Variants in CARS1 observed in about 807,000 individuals in gnomAD.
CARS1 encodes the protein cysteinyl-tRNA synthetase 1.
A neutral mutation model predicts 106.2 loss-of-function variants in CARS1; 48 were observed. The observed-to-expected ratio is 0.45, with a 90% confidence interval of 0.36 to 0.57. The LOEUF (loss-of-function observed/expected upper bound fraction) is 0.57. Among genes scored for constraint, CARS1 ranks in the 20% least tolerant of loss-of-function variants. CARS1 has a pLI of 0.00. For synonymous variants in CARS1, 409 were observed against 403.4 expected, an observed-to-expected ratio of 1.01 and a Z score of -0.17; for missense variants, 968 against 1,057.2, an observed-to-expected ratio of 0.92 and a Z score of 1.17.
At position 3,028,297 on chromosome 11, in the gene CARS1, G is replaced by A. The variant is rs977536808; in HGVS notation, c.1031+699C>T. 1.9e-5 allele frequency: 10 copies of A among 524,210 alleles called. No homozygotes were observed. Among genetic ancestry groups the A allele is most frequent in the South Asian group, 5.4e-5 (3 of 55,600 alleles). 32.5% of individuals were successfully genotyped at this position (524,210 alleles called of 1,614,324 possible). ...TAAATATCAGTGCAGCCTGGCATTC[G>A]GGGCCACTACCGGTCTCCGCGTCTT... On this transcript the variant is annotated intron_variant, in intron 9 of 22. Transcript: ENST00000380525. This position sits in a 1 kb window ranked among gnomAD's most constrained non-coding sequence, Gnocchi z 4.4.
At position 3,053,924 on chromosome 11, in the gene CARS1, C is replaced by G. The variant is rs1460388380; in HGVS notation, c.25+3419G>C. 1.3e-5 allele frequency among the ~76,000 whole-genome samples: 2 copies of G among 152,188 alleles called. No homozygotes were observed. Among genetic ancestry groups the G allele is most frequent in the African/African-American group, 4.8e-5 (2 of 41,434 alleles). ...GTGGGTGTCCAGGCAACATCTCACC[C>G]TGCAGGTTACTCCCTTTCTGCAAAT... On this transcript the variant is annotated intron_variant, in intron 1 of 22. Transcript: ENST00000380525. This position sits in a 1 kb window ranked among gnomAD's most constrained non-coding sequence, Gnocchi z 6.6.
In CARS1 at chr11:3,038,580, A is replaced by C. The variant is rs1346380425; in HGVS notation, c.652-381T>G. Among the ~76,000 whole-genome samples the C allele has an allele frequency of 6.6e-6, 1 of 152,230 alleles. No individual in the cohort carries two copies. Among genetic ancestry groups the C allele is most frequent in the East Asian group, 1.9e-4 (1 of 5,200 alleles). Reference sequence around the variant, plus strand: ...GAAGGTACTCAGGCCTCACTGACCTAAAAGATTGCTCAGCTCTAATTTTAT... The same window carrying C: ...GAAGGTACTCAGGCCTCACTGACCTCAAAGATTGCTCAGCTCTAATTTTAT... On this transcript the variant is annotated intron_variant, in intron 6 of 22. Transcript: ENST00000380525. The surrounding 1 kb of genome is among the most constrained non-coding windows in gnomAD (Gnocchi z 4.0).
chr11:3,029,707 G>A lies in CARS1; in HGVS notation c.802-264C>T, dbSNP rs186333277. 1,469 of 490,024 alleles carry A rather than the reference G, an allele frequency of 3.0e-3. 9 individuals are homozygous for A. Among genetic ancestry groups the A allele is most frequent in the Non-Finnish European group, 4.2e-3 (1,157 of 276,708 alleles). 30.4% of individuals were successfully genotyped at this position (490,024 alleles called of 1,614,324 possible). A position where few individuals can be genotyped will look rare whatever the true frequency, so the allele number is the denominator to read the frequency against. ...TGTGGGTGCAGAGGCAAAAAGAGGT[G>A]GGAGGGCCGAGGTGGGCCTGGTGAG... is the stretch of plus-strand genomic sequence containing the variant. On this transcript the variant is annotated intron_variant, in intron 7 of 22. Coordinates refer to ENST00000380525, the MANE Select transcript of CARS1 (RefSeq NM_001014437.3). This position sits in a 1 kb window ranked among gnomAD's most constrained non-coding sequence, Gnocchi z 5.9.
Position 3,004,360 on chromosome 11 carries a change from A to G in CARS1, c.2217+1006T>C, listed in dbSNP as rs1197470346. 6.6e-6 allele frequency among the ~76,000 whole-genome samples: 1 copy of G among 152,224 alleles called. No homozygotes were observed. The highest frequency in any genetic ancestry group is 1.5e-5 in the Non-Finnish European group (1 of 68,030). On this transcript the variant is annotated intron_variant, in intron 20 of 22. Coordinates refer to ENST00000380525, the MANE Select transcript of CARS1 (RefSeq NM_001014437.3). The surrounding 1 kb of genome is among the most constrained non-coding windows in gnomAD (Gnocchi z 5.2). ...TCGTGCCTTGGGCCAGTGCAGGGCT[A>G]GGCATAGATGCCTTCCCTGACCTTG...
Position 3,038,281 on chromosome 11 carries a change from C to T in CARS1, c.652-82G>A, listed in dbSNP as rs1853952778. On this transcript the variant is annotated intron_variant, in intron 6 of 22. Coordinates refer to ENST00000380525, the MANE Select transcript of CARS1 (RefSeq NM_001014437.3). This position sits in a 1 kb window ranked among gnomAD's most constrained non-coding sequence, Gnocchi z 4.0. ...CATAAAGGTGATTCCAGGTAGAAAA[C>T]AGAACGGTTTTTCCCATGGCCCCAT... 4 of 1,364,388 alleles carry T rather than the reference C, an allele frequency of 2.9e-6. No homozygotes were observed. The highest frequency in any genetic ancestry group is 4.6e-5 in the East Asian group (2 of 43,394). 84.5% of individuals were successfully genotyped at this position (1,364,388 alleles called of 1,614,324 possible).
chr11:3,019,628 G>A lies in CARS1; in HGVS notation c.1267-361C>T, dbSNP rs576519430. Among the ~76,000 whole-genome samples, 6 of 151,908 alleles carry A rather than the reference G, an allele frequency of 3.9e-5. No homozygotes were observed. Among genetic ancestry groups the A allele is most frequent in the South Asian group, 4.2e-4 (2 of 4,796 alleles). ...CTGAGGCAGGAGAATTGCTTGAACCGGGACTAGGAGGCAGAGGTTGCAGTG... is the reference window on the plus strand; with the variant it reads ...CTGAGGCAGGAGAATTGCTTGAACCAGGACTAGGAGGCAGAGGTTGCAGTG... On this transcript the variant is annotated intron_variant, in intron 11 of 22. Transcript: ENST00000380525. The surrounding 1 kb of genome is among the most constrained non-coding windows in gnomAD (Gnocchi z 6.2).
chr11:3,038,793 T>G lies in CARS1; in HGVS notation c.651+401A>C, dbSNP rs771751621. Among the ~76,000 whole-genome samples, 15 of 152,224 alleles carry G rather than the reference T, an allele frequency of 9.9e-5. No individual in the cohort carries two copies. Among genetic ancestry groups the G allele is most frequent in the Non-Finnish European group, 1.9e-4 (13 of 68,032 alleles). On this transcript the variant is annotated intron_variant, in intron 6 of 22. Transcript: ENST00000380525. The surrounding 1 kb of genome is among the most constrained non-coding windows in gnomAD (Gnocchi z 4.0). ...AATTTCTTCAAAAGATTCTGAAAAT[T>G]TACAGTATTACCAAATTAAAAAGCT...
At position 3,047,935 on chromosome 11, in the gene CARS1, T is replaced by C. The variant is rs1855277662; in HGVS notation, c.92A>G (p.His31Arg). 11 of 1,614,160 alleles carry C rather than the reference T, an allele frequency of 6.8e-6. No homozygotes were observed. Among genetic ancestry groups the C allele is most frequent in the Non-Finnish European group, 9.3e-6 (11 of 1,180,026 alleles). The change falls in exon 2 of 23, where the codon CAC (histidine) becomes CGC (arginine). Residue 31 changes from histidine to arginine, a missense_variant. Transcript: ENST00000380525. ...EAARAQALNEHLSTRSYVQGY... is the reference protein window; with the variant it reads ...EAARAQALNERLSTRSYVQGY... The stretch of plus-strand genomic sequence containing the variant: ...CTGGACATAGCTACGCGTGCTGAGG[T>C]GCTCGTTCAGGGCTTGTGCCCTGGC...
intron 12 of CARS1, among the ~76,000 whole-genome samples, 175 bp from the exon 13 acceptor site, chr11:3,018,924 A>G (rs762332207): frequency 3.3e-5 from 5 of 152,230 alleles, no homozygotes; most frequent in Non-Finnish European, 7.3e-5. Flanking sequence ...AGGTAACACA[A>G]CTGGTTCAAA....
rs543768913 is a variant in CARS1, at chr11:3,015,660, C to T, written c.1986+121G>A. The T allele has an allele frequency of 1.6e-3, 1,369 of 843,594 alleles. 5 individuals carry two copies. Among genetic ancestry groups the T allele is most frequent in the Non-Finnish European group, 2.5e-3 (1,247 of 493,880 alleles). 52.3% of individuals were successfully genotyped at this position (843,594 alleles called of 1,614,324 possible). The stretch of plus-strand genomic sequence containing the variant: ...GCCAGAATTGCCATTTAGCTCGAGG[C>T]GCTGTCCGGAAGGGTCTGGTGTGGG... On this transcript the variant is annotated intron_variant, in intron 17 of 22. Transcript: ENST00000380525.
intron 12 of CARS1, 39 bp from the exon 13 acceptor site, chr11:3,018,788 T>A: frequency 6.3e-7 from 1 of 1,597,864 alleles, no homozygotes; most frequent in Non-Finnish European, 8.5e-7. Context: ...CAGTCATGTG[T>A]TACTGGGGCC....
intron 18 of CARS1, 96 bp downstream of exon 18, chr11:3,012,099 C>T (rs1850527672): frequency 3.5e-6 from 4 of 1,131,126 alleles, no homozygotes; most frequent in Non-Finnish European, 5.4e-6. Context: ...GAGGATGATC[C>T]GGCCTGAACG....
In CARS1 at chr11:3,026,745, C is replaced by T. The variant is rs552905313; in HGVS notation, c.1084G>A (p.Glu362Lys). 3.6e-5 allele frequency: 58 copies of T among 1,613,536 alleles called. No individual in the cohort carries two copies. The East Asian group carries it at 9.4e-4, about 26-fold the overall frequency. ...YFDTAKFASS[E>K]KHSYGKLVPE... Reference sequence around the variant, plus strand: ...ACCAGCTTCCCATAGGAGTGCTTCTCGCTAGAAGCAAACTTCGCTGTATCA... The same window carrying T: ...ACCAGCTTCCCATAGGAGTGCTTCTTGCTAGAAGCAAACTTCGCTGTATCA... The change falls in exon 10 of 23, where the codon GAG becomes AAG. Residue 362 changes from glutamate (E) to lysine (K), a missense_variant. Glu to Lys is a moderately conservative substitution (Grantham distance 56). Transcript: ENST00000380525.
In CARS1 at chr11:3,003,974, G is replaced by A. The variant is rs569947573; in HGVS notation, c.2218-1374C>T. On this transcript the variant is annotated intron_variant, in intron 20 of 22. Coordinates refer to ENST00000380525, the MANE Select transcript of CARS1 (RefSeq NM_001014437.3). This position sits in a 1 kb window ranked among gnomAD's most constrained non-coding sequence, Gnocchi z 4.8. Reference sequence around the variant, plus strand: ...AGCACAAAGAGTGCAAGGCCTGTGAGGCTCTGGCCGGGCCACCCTGGCGCT... The same window carrying A: ...AGCACAAAGAGTGCAAGGCCTGTGAAGCTCTGGCCGGGCCACCCTGGCGCT... Among the ~76,000 whole-genome samples, 5 of 152,320 alleles carry A rather than the reference G, an allele frequency of 3.3e-5. No individual in the cohort carries two copies. Among genetic ancestry groups the A allele is most frequent in the African/African-American group, 1.2e-4 (5 of 41,568 alleles).
chr11:3,040,621 A>T lies in CARS1; in HGVS notation c.455+275T>A. 3.2e-6 allele frequency: 2 copies of T among 624,280 alleles called. No individual in the cohort carries two copies. Among genetic ancestry groups the T allele is most frequent in the Non-Finnish European group, 5.9e-6 (2 of 336,508 alleles). The allele number at this position is 624,280 out of a possible 1,614,324, so 38.7% of individuals were successfully genotyped here. On this transcript the variant is annotated intron_variant, in intron 4 of 22. Transcript: ENST00000380525. This position sits in a 1 kb window ranked among gnomAD's most constrained non-coding sequence, Gnocchi z 5.8. ...GAAAACTTTAAGGTATGTGAGAAAA[A>T]GTGCCCAGGTCGAGTCCAGCATGTT...
rs554614794 is a variant in CARS1, at chr11:3,037,068, G to A, written c.801+982C>T. ...GAAAAAAATTACAGCAGCATTGTTGGTAAGAAGGAAACCTAACTGCCCGTC... is the reference window on the plus strand; with the variant it reads ...GAAAAAAATTACAGCAGCATTGTTGATAAGAAGGAAACCTAACTGCCCGTC... On this transcript the variant is annotated intron_variant, in intron 7 of 22. Coordinates refer to ENST00000380525, the MANE Select transcript of CARS1 (RefSeq NM_001014437.3). This position sits in a 1 kb window ranked among gnomAD's most constrained non-coding sequence, Gnocchi z 5.9. Among the ~76,000 whole-genome samples the A allele has an allele frequency of 3.3e-5, 5 of 152,258 alleles. No homozygotes were observed. The South Asian group carries it at 1.0e-3, about 32-fold the overall frequency.
At position 3,002,641 on chromosome 11, in the gene CARS1, C is replaced by A. The variant is rs747335956; in HGVS notation, c.2218-41G>T. 8.1e-6 allele frequency: 13 copies of A among 1,612,590 alleles called. No homozygotes were observed. The Admixed American group carries it at 2.2e-4, about 27-fold the overall frequency. On this transcript the variant is annotated intron_variant, in intron 20 of 22. Transcript: ENST00000380525. The stretch of plus-strand genomic sequence containing the variant: ...AGAGCCAGATGAGACAGGGCTGCCT[C>A]AGGCTGCTGGGTCTCTCGGAGTGAG...
At chr11:3,013,684 T>C (rs1439371367) in intron 17 of CARS1, among the ~76,000 whole-genome samples, 3 of 151,886 alleles carry the variant, frequency 2.0e-5, no homozygotes, top group Admixed American at 1.3e-4. Flanking sequence ...CCCCCGTCTC[T>C]ACTAAAATAC....
rs1007988049 is a variant in CARS1, at chr11:3,022,861, C to T, written c.1154-2529G>A. The stretch of plus-strand genomic sequence containing the variant: ...GCATCACCCCTCCCCTTTTCCTCTA[C>T]CATTAGAGTCCCCATGGCGAGGAGC... On this transcript the variant is annotated intron_variant, in intron 10 of 22. Coordinates refer to ENST00000380525, the MANE Select transcript of CARS1 (RefSeq NM_001014437.3). The surrounding 1 kb of genome is among the most constrained non-coding windows in gnomAD (Gnocchi z 4.9). Among the ~76,000 whole-genome samples, 1 of 152,192 alleles carries T rather than the reference C, an allele frequency of 6.6e-6. No individual in the cohort carries two copies. The highest frequency in any genetic ancestry group is 2.4e-5 in the African/African-American group (1 of 41,450).
Sources: gnomAD v4.1 joint callset for allele counts (sites outside exome capture counted in the v4.1 genomes callset) on GRCh38, gnomAD v4.1.1 for gene constraint, Gnocchi (gnomAD v3.1) non-coding constraint, MANE v1.5 for transcripts, NCBI Gene and HGNC (gene_info 2026-07-23, HGNC 2026-07-21) for gene names.